Variants in IL1A observed in about 807,000 individuals in gnomAD.
IL1A encodes the protein interleukin 1 alpha, also known as interleukin-1 alpha.
A neutral mutation model predicts 22.2 loss-of-function variants in IL1A; 16 were observed. The ratio of observed to expected loss-of-function variants is 0.72; its 90% CI spans 0.49 to 1.09. The LOEUF is 1.09. IL1A is among the 50% of genes least tolerant of loss of function. The pLI is 0.00. For synonymous variants in IL1A, 113 were observed against 118.5 expected (o/e 0.95, Z 0.30); for missense variants, 317 against 321.8 (o/e 0.99, Z 0.11).
Position 112,774,933 on chromosome 2 carries a change from T to C in IL1A, c.*134A>G, listed in dbSNP as rs1681074500. On this transcript the variant is annotated 3_prime_UTR_variant, in exon 7 of 7. Transcript: ENST00000263339. ...GTTGGTTCCACTCTTACAAAGAGTG[T>C]AAACATTCATTTAGAATTACAAGGC... is the stretch of plus-strand genomic sequence containing the variant. The C allele has an allele frequency of 1.5e-6, 1 of 666,120 alleles. No homozygotes were observed. Among genetic ancestry groups the C allele is most frequent in the African/African-American group, 1.8e-5 (1 of 55,248 alleles). The allele number at this position is 666,120 out of a possible 1,614,324, so 41.3% of individuals were successfully genotyped here. A position where few individuals can be genotyped will look rare whatever the true frequency, so the allele number is the denominator to read the frequency against.
At chr2:112,775,807 A>G (rs1270371099) in intron 6 of IL1A, among the ~76,000 whole-genome samples, 1 of 152,200 alleles carries the variant, frequency 6.6e-6, no homozygotes. Flanking sequence ...GTATATCAGT[A>G]AACTCTTTCA....
chr2:112,781,649 T>A lies in IL1A; in HGVS notation c.274A>T (p.Ile92Phe). 1 of 1,614,232 alleles carries A rather than the reference T, an allele frequency of 6.2e-7. No homozygotes were observed. Among genetic ancestry groups the A allele is most frequent in the Non-Finnish European group, 8.5e-7 (1 of 1,180,044 alleles). ...KKRRLSLSQS[I>F]TDDDLEAIAN... Reference sequence around the variant, plus strand: ...ATGGCCTCCAGGTCATCATCAGTGATGGATTGGCTTAAACTCAACCGTCTC... The same window carrying A: ...ATGGCCTCCAGGTCATCATCAGTGAAGGATTGGCTTAAACTCAACCGTCTC... Residue 92 changes from isoleucine (I) to phenylalanine (F), a missense_variant, in exon 4 of 7, where the codon ATC becomes TTC. Ile to Phe is a conservative substitution (Grantham distance 21). Coordinates refer to ENST00000263339, the MANE Select transcript of IL1A (RefSeq NM_000575.5).
In IL1A at chr2:112,780,084, G is replaced by A. The variant is rs1313884475; in HGVS notation, c.320-418C>T. 2.0e-5 allele frequency among the ~76,000 whole-genome samples: 3 copies of A among 152,158 alleles called. 1 individual carries two copies. Among genetic ancestry groups the A allele is most frequent in the South Asian group, 4.1e-4 (2 of 4,832 alleles). Reference sequence around the variant, plus strand: ...GTGCAAAGTGGCACATATCAATAGCGTCACAAATCCTCATGGCTCTGGGAA... The same window carrying A: ...GTGCAAAGTGGCACATATCAATAGCATCACAAATCCTCATGGCTCTGGGAA... On this transcript the variant is annotated intron_variant, in intron 4 of 6. Transcript: ENST00000263339.
intron 4 of IL1A, 122 bp downstream of exon 4, chr2:112,781,481 AC>A (rs1380084128): frequency 1.3e-6 from 1 of 793,936 alleles, no homozygotes; most frequent in Non-Finnish European, 2.2e-6. Flanking sequence ...CTGTATAGTT[AC>A]CAGACTAATG....
intron 2 of IL1A, 88 bp from the exon 3 acceptor site, chr2:112,782,852 G>A: frequency 1.1e-6 from 1 of 942,432 alleles, no homozygotes; most frequent in Non-Finnish European, 1.7e-6. Flanking sequence ...ATAGTTGTGG[G>A]TCACACACAT....
chr2:112,783,614 T>A, intron 2 of IL1A, 110 bp downstream of exon 2: 1 of 864,378 alleles, frequency 1.2e-6, no homozygotes. Context: ...AGTACACATC[T>A]CTACAACCTC....
intron 5 of IL1A, 59 bp from the exon 6 acceptor site, chr2:112,778,170 G>A: frequency 6.8e-7 from 1 of 1,467,060 alleles, no homozygotes; most frequent in South Asian, 1.2e-5. Flanking sequence ...AAAATCAAGT[G>A]TTGATGTAGA....
In IL1A at chr2:112,779,517, A is replaced by G; in HGVS notation, c.469T>C (p.Leu157=). The G allele has an allele frequency of 6.3e-7, 1 of 1,596,400 alleles. No individual in the cohort carries two copies. Among genetic ancestry groups the G allele is most frequent in the Non-Finnish European group, 8.6e-7 (1 of 1,166,002 alleles). ...ANDQYLTAAA[L]HNLDEAVKFD... ...GTACCTGCTTCATCCAGATTATGTA[A>G]TGCAGCAGCCGTGAGGTACTGATCA... The change falls in exon 5 of 7, where the codon TTA becomes CTA. Residue 157 remains leucine, a synonymous_variant. Transcript: ENST00000263339.
At chr2:112,782,924 G>A (rs892621331) in intron 2 of IL1A, among the ~76,000 whole-genome samples, 160 bp from the exon 3 acceptor site, 1 of 152,240 alleles carries the variant, frequency 6.6e-6, no homozygotes, top group Non-Finnish European at 1.5e-5. Flanking sequence ...CATAGGTAGA[G>A]TAATTCATAT....
intron 3 of IL1A, among the ~76,000 whole-genome samples, chr2:112,782,435 T>G (rs907755867): frequency 6.6e-6 from 1 of 152,202 alleles, no homozygotes; most frequent in African/African-American, 2.4e-5. Context: ...TGCGGGGCCT[T>G]TCTCAGGATG....
chr2:112,779,730 T>C, intron 4 of IL1A, 64 bp from the exon 5 acceptor site: 1 of 1,183,290 alleles, frequency 8.5e-7, no homozygotes, highest in Non-Finnish European at 1.2e-6. Flanking sequence ...ATACACAGTC[T>C]AGTACAAACA....
intron 2 of IL1A, among the ~76,000 whole-genome samples, chr2:112,782,991 T>C (rs1257476950): frequency 1.3e-5 from 2 of 152,250 alleles, no homozygotes; most frequent in African/African-American, 4.8e-5. Context: ...ACCTGTGCTT[T>C]ATCTGTAAAA....
Position 112,778,028 on chromosome 2 carries a change from A to G in IL1A, c.574T>C (p.Tyr192His). The G allele has an allele frequency of 1.2e-6, 2 of 1,614,214 alleles. No homozygotes were observed. The highest frequency in any genetic ancestry group is 8.5e-7 in the Non-Finnish European group (1 of 1,180,014). The stretch of plus-strand genomic sequence containing the variant: ...TGGTCTTCATCTTGGGCAGTCACAT[A>G]CAATTGAGTTTTTGAGATTCTTAGA... ...VILRISKTQL[Y>H]VTAQDEDQPV... Residue 192 changes from tyrosine to histidine, a missense_variant, in exon 6 of 7, where the codon TAT becomes CAT. Physicochemically the swap from Tyr to His is moderately conservative, Grantham distance 83. Coordinates refer to ENST00000263339, the MANE Select transcript of IL1A (RefSeq NM_000575.5).
intron 5 of IL1A, among the ~76,000 whole-genome samples, chr2:112,778,644 A>C (rs1681142715): frequency 6.6e-6 from 1 of 152,248 alleles, no homozygotes; most frequent in Non-Finnish European, 1.5e-5. Context: ...AGGAGAAAAA[A>C]CAATAATATA....
chr2:112,774,307 G>C lies in IL1A; in HGVS notation c.*760C>G, dbSNP rs1681059061. On this transcript the variant is annotated 3_prime_UTR_variant, in exon 7 of 7. Coordinates refer to ENST00000263339, the MANE Select transcript of IL1A (RefSeq NM_000575.5). ...AGCACAACTTGGACCAAAATGCCCT[G>C]TATTAATGAAATCAAACTTACTTAT... 6.6e-6 allele frequency: 1 copy of C among 152,000 alleles called. No individual in the cohort carries two copies. Among genetic ancestry groups the C allele is most frequent in the Admixed American group, 6.6e-5 (1 of 15,262 alleles). 9.4% of individuals were successfully genotyped at this position (152,000 alleles called of 1,614,324 possible). A position where few individuals can be genotyped will look rare whatever the true frequency, so the allele number is the denominator to read the frequency against.
At chr2:112,775,443 G>A (rs1477651787) in intron 6 of IL1A, among the ~76,000 whole-genome samples, 176 bp from the exon 7 acceptor site, 2 of 152,190 alleles carry the variant, frequency 1.3e-5, no homozygotes, top group Non-Finnish European at 2.9e-5. Context: ...TACATGCCTA[G>A]TAGATGTGTG....
In IL1A at chr2:112,782,741, G is replaced by C; in HGVS notation, c.71C>G (p.Ser24Cys). The change falls in exon 3 of 7, where the codon TCC becomes TGC. Residue 24 changes from serine to cysteine, a missense_variant. Ser to Cys is a moderately radical substitution (Grantham distance 112). Coordinates refer to ENST00000263339, the MANE Select transcript of IL1A (RefSeq NM_000575.5). ...CYSENEEDSS[S>C]IDHLSLNQKS... ...CTGATTCAGAGACAGATGATCAATG[G>C]AGGAACTGTCTTCTTCATTTTCACT... 2 of 1,608,606 alleles carry C rather than the reference G, an allele frequency of 1.2e-6. No individual in the cohort carries two copies. Among genetic ancestry groups the C allele is most frequent in the Non-Finnish European group, 1.7e-6 (2 of 1,175,098 alleles).
In IL1A at chr2:112,774,857, G is replaced by C. The variant is rs1681072579; in HGVS notation, c.*210C>G. On this transcript the variant is annotated 3_prime_UTR_variant, in exon 7 of 7. Transcript: ENST00000263339. ...TGAAGAATAATAATTAAAATGATTG[G>C]TACTATGCAAAATATAGGGTGTTCT... 1 of 525,796 alleles carries C rather than the reference G, an allele frequency of 1.9e-6. No individual in the cohort carries two copies. Among genetic ancestry groups the C allele is most frequent in the Non-Finnish European group, 3.4e-6 (1 of 292,082 alleles). The allele number at this position is 525,796 out of a possible 1,614,324, so 32.6% of individuals were successfully genotyped here. A position where few individuals can be genotyped will look rare whatever the true frequency, so the allele number is the denominator to read the frequency against.
At chr2:112,775,572 T>C (rs1681085566) in intron 6 of IL1A, among the ~76,000 whole-genome samples, 1 of 152,170 alleles carries the variant, frequency 6.6e-6, no homozygotes, top group Non-Finnish European at 1.5e-5. Flanking sequence ...GAGGGAAACA[T>C]TGTTTCTGTC....
Sources: gnomAD v4.1 joint callset for allele counts (sites outside exome capture counted in the v4.1 genomes callset) on GRCh38, gnomAD v4.1.1 for gene constraint, MANE v1.5 for transcripts, NCBI Gene and HGNC (gene_info 2026-07-23, HGNC 2026-07-21) for gene names.